PSMD6: variants seen among roughly 807,000 people sequenced by gnomAD.
PSMD6 encodes proteasome 26S subunit, non-ATPase 6.
In PSMD6, 7 loss-of-function variants were observed where a neutral mutation model predicts 44.9. The ratio of observed to expected loss-of-function variants is 0.16; its 90% CI spans 0.09 to 0.29. The LOEUF is 0.29. PSMD6 is among the 10% of genes least tolerant of loss of function. PSMD6 has a pLI of 1.00. For synonymous variants in PSMD6, 184 were observed against 172.7 expected (o/e 1.07, Z -0.51); for missense variants, 420 against 482.6 (o/e 0.87, Z 1.21).
At chr3:64,019,597 A>C in intron 2 of PSMD6, 156 bp from the exon 3 acceptor site, 2 of 675,928 alleles carry the variant, frequency 3.0e-6, no homozygotes, top group South Asian at 4.9e-5. Context: ...GCTGGGTGAT[A>C]AGTACACAAG....
At chr3:64,017,292 G>A (rs1232895996) in intron 5 of PSMD6, 1 of 152,146 alleles carries the variant, frequency 6.6e-6, no homozygotes, top group African/African-American at 2.4e-5. Flanking sequence ...TTTATGGTGT[G>A]TGATTTATAC....
intron 5 of PSMD6, chr3:64,017,648 C>G (rs1389143475): frequency 6.6e-6 from 1 of 152,182 alleles, no homozygotes; most frequent in African/African-American, 2.4e-5. Flanking sequence ...AAACCTGTTC[C>G]TACATTACCT....
In PSMD6 at chr3:64,010,586, C is replaced by T. The variant is rs1046025; in HGVS notation, c.*82G>A. ...ACAATGCAGTATTTATTTTATACAG[C>T]TGACCTGGGCACATTGTGAAGTAAG... On this transcript the variant is annotated 3_prime_UTR_variant, in exon 8 of 8. Coordinates refer to ENST00000295901, the MANE Select transcript of PSMD6 (RefSeq NM_014814.3). The T allele has an allele frequency of 0.16, 158,835 of 1,005,258 alleles. 13,092 individuals are homozygous for T. The highest frequency in any genetic ancestry group is 0.21 in the African/African-American group (13,038 of 60,846). 62.3% of individuals were successfully genotyped at this position (1,005,258 alleles called of 1,614,324 possible).
intron 6 of PSMD6, chr3:64,011,239 T>A (rs1047524773): frequency 4.5e-5 from 12 of 268,854 alleles, no homozygotes; most frequent in Admixed American, 2.6e-4. Flanking sequence ...TAGGAAAAAT[T>A]AGGGACCAAA....
chr3:64,017,085 T>C (rs1429025412), intron 5 of PSMD6: 1 of 152,288 alleles, frequency 6.6e-6, no homozygotes, highest in Non-Finnish European at 1.5e-5. Flanking sequence ...ATTTAGATGA[T>C]ATGTCCAGAA....
intron 4 of PSMD6, 27 bp from the exon 5 acceptor site, chr3:64,018,734 A>C: frequency 2.1e-6 from 3 of 1,436,250 alleles, no homozygotes; most frequent in Non-Finnish European, 2.8e-6. Flanking sequence ...ACATATATAC[A>C]AAAAAAATGT....
intron 1 of PSMD6, chr3:64,022,882 G>A (rs1195479613): frequency 2.7e-5 from 41 of 1,504,806 alleles, no homozygotes; most frequent in Non-Finnish European, 3.6e-5. Flanking sequence ...AGAAGGGCCA[G>A]AAAGAACCGA....
chr3:64,021,245 CAAAT>C (rs1013173549), intron 2 of PSMD6, among the ~76,000 whole-genome samples: 129 of 152,206 alleles, frequency 8.5e-4, no homozygotes, highest in African/African-American at 2.8e-3. Flanking sequence ...GCTGAACAGG[CAAAT>C]AAACTATGCC....
At position 64,022,471 on chromosome 3, in the gene PSMD6, G is replaced by A. The variant is rs200173715; in HGVS notation, c.198C>T (p.Asp66=). The change falls in exon 2 of 8, where the codon GAC becomes GAT. Residue 66 remains aspartate (D), a synonymous_variant. Coordinates refer to ENST00000295901, the MANE Select transcript of PSMD6 (RefSeq NM_014814.3). ...ALCKSLDWQI[D]VDLLNKMKKA... ...TCTTCATTTTATTGAGTAGGTCCAC[G>A]TCTATCTGCCAGTCGAGGGATTTGC... 2.5e-6 allele frequency: 4 copies of A among 1,614,010 alleles called. No individual in the cohort carries two copies. The highest frequency in any genetic ancestry group is 1.1e-5 in the South Asian group (1 of 91,086).
intron 5 of PSMD6, 174 bp downstream of exon 5, chr3:64,018,425 T>C (rs17344090): frequency 0.13 from 69,494 of 524,486 alleles, 4,961 homozygotes; most frequent in Admixed American, 0.18. Flanking sequence ...CAGGCCACAA[T>C]CTGATGACCC....
intron 2 of PSMD6, 78 bp downstream of exon 2, chr3:64,022,240 A>T: frequency 6.8e-7 from 1 of 1,473,060 alleles, no homozygotes; most frequent in East Asian, 2.3e-5. Flanking sequence ...TAATTTTTTT[A>T]ATGAGAAACG....
intron 7 of PSMD6, 31 bp from the exon 8 acceptor site, chr3:64,010,795 T>TGG (rs1356147150): frequency 6.3e-7 from 1 of 1,582,204 alleles, no homozygotes; most frequent in East Asian, 2.2e-5. Context: ...AAATGAATTA[T>TGG]TTACCAGTCA....
At chr3:64,014,218 G>GT (rs2076008859) in intron 5 of PSMD6, 2 of 152,164 alleles carry the variant, frequency 1.3e-5, no homozygotes, top group African/African-American at 4.8e-5. Context: ...ACAGTAAAAT[G>GT]TACGTAGAGT....
rs1171450532 is a variant in PSMD6, at chr3:64,010,746, C to G, written c.1092G>C (p.Trp364Cys). The change falls in exon 8 of 8, where the codon TGG becomes TGC. Residue 364 changes from tryptophan (W) to cysteine (C), a missense_variant. By Grantham distance (215) the Trp-to-Cys change is radical. Around this residue, in one of 4 missense-constraint regions of PSMD6, gnomAD observed 63 missense variants for 112.1 expected, o/e 0.56. Coordinates refer to ENST00000295901, the MANE Select transcript of PSMD6 (RefSeq NM_014814.3). The stretch of plus-strand genomic sequence containing the variant: ...CTTTCTTGATAGTTTCTTGGTACTG[C>G]CAGTTCTTGCTATCAGGTCTATAAA... The part of the protein sequence containing the change: ...VETNRPDSKN[W>C]QYQETIKKGD... 2 of 1,608,830 alleles carry G rather than the reference C, an allele frequency of 1.2e-6. No individual in the cohort carries two copies. Among genetic ancestry groups the G allele is most frequent in the Non-Finnish European group, 1.7e-6 (2 of 1,176,564 alleles).
intron 5 of PSMD6, chr3:64,016,328 C>A (rs940730314): frequency 6.6e-6 from 1 of 151,948 alleles, no homozygotes; most frequent in East Asian, 1.9e-4. Flanking sequence ...CTTTCACTTT[C>A]TCAATTTATT....
chr3:64,019,299 T>C lies in PSMD6; in HGVS notation c.494A>G (p.Lys165Arg), dbSNP rs746105515. ...TAATCCCACCCTTAGAAAGTACCTT[T>C]TGGCCTTTTCTGTGTTTCGTGTGAT... Reference protein sequence around the residue: ...DLITRNTEKAKSLIEEGGDWD... With the variant: ...DLITRNTEKARSLIEEGGDWD... Residue 165 changes from lysine to arginine, a missense_variant, in exon 3 of 8, where the codon AAA becomes AGA. This residue lies in a region of PSMD6 where 216 missense variants were observed against 227.0 expected (regional missense o/e 0.95). Coordinates refer to ENST00000295901, the MANE Select transcript of PSMD6 (RefSeq NM_014814.3). 4 of 1,573,472 alleles carry C rather than the reference T, an allele frequency of 2.5e-6. No individual in the cohort carries two copies. The South Asian group carries it at 3.3e-5, about 13-fold the overall frequency.
At chr3:64,018,445 A>C in intron 5 of PSMD6, 154 bp downstream of exon 5, 1 of 574,720 alleles carries the variant, frequency 1.7e-6, no homozygotes, top group Non-Finnish European at 3.1e-6. Context: ...CTTCTTCTAA[A>C]CAAAACTGGG....
Position 64,019,300 on chromosome 3 carries a change from T to C in PSMD6, c.493A>G (p.Lys165Glu), listed in dbSNP as rs2076094533. The change falls in exon 3 of 8, where the codon AAA becomes GAA. Residue 165 changes from lysine to glutamate, a missense_variant. Physicochemically the swap from Lys to Glu is moderately conservative, Grantham distance 56. Coordinates refer to ENST00000295901, the MANE Select transcript of PSMD6 (RefSeq NM_014814.3). Reference sequence around the variant, plus strand: ...AATCCCACCCTTAGAAAGTACCTTTTGGCCTTTTCTGTGTTTCGTGTGATG... The same window carrying C: ...AATCCCACCCTTAGAAAGTACCTTTCGGCCTTTTCTGTGTTTCGTGTGATG... ...DLITRNTEKA[K>E]SLIEEGGDWD... The C allele has an allele frequency of 1.3e-6, 2 of 1,574,014 alleles. No homozygotes were observed. Among genetic ancestry groups the C allele is most frequent in the Non-Finnish European group, 1.7e-6 (2 of 1,143,776 alleles).
chr3:64,022,196 C>T, intron 2 of PSMD6, 122 bp downstream of exon 2: 1 of 1,094,424 alleles, frequency 9.1e-7, no homozygotes, highest in South Asian at 1.5e-5. Flanking sequence ...TACAAGCAAG[C>T]ATGATTACCT....
Sources: gnomAD v4.1 joint callset for allele counts (sites outside exome capture counted in the v4.1 genomes callset) on GRCh38, gnomAD v4.1.1 for gene constraint, gnomAD v4.1.1 regional missense constraint, MANE v1.5 for transcripts, NCBI Gene and HGNC (gene_info 2026-07-23, HGNC 2026-07-21) for gene names.